Variants in TEX15 observed in about 807,000 individuals in gnomAD.
TEX15 encodes testis-expressed protein 15.
TEX15 carries 171 observed loss-of-function variants against 237.3 expected under a neutral mutation model. That is an observed-to-expected ratio of 0.72 (90% CI 0.64 to 0.82). The LOEUF (loss-of-function observed/expected upper bound fraction) is 0.82. Ranked by LOEUF, TEX15 falls within the 40% of genes least tolerant of loss-of-function variation. The probability of loss-of-function intolerance (pLI) is 0.00; values close to 1 mark genes in which losing one functional copy is unlikely to be tolerated. For missense variants in TEX15, 3,750 were observed against 3,646.5 expected (o/e 1.03, Z -0.73); for synonymous variants, 1,338 against 1,269.8 (o/e 1.05, Z -1.14).
chr8:30,882,411 C>T (rs562098125), intron 3 of TEX15, among the ~76,000 whole-genome samples: 1 of 152,198 alleles, frequency 6.6e-6, no homozygotes, highest in Non-Finnish European at 1.5e-5. Flanking sequence ...CTCAGCCTCC[C>T]AAGTAGCTGG....
chr8:30,897,772 T>C (rs1288713187), intron 2 of TEX15, among the ~76,000 whole-genome samples: 1 of 152,190 alleles, frequency 6.6e-6, no homozygotes, highest in Non-Finnish European at 1.5e-5. Context: ...GCAATCCTTC[T>C]GCCTCAGCCT....
rs996079485 is a variant in TEX15, at chr8:30,832,566, A to G, written c.*720T>C. 6.6e-6 allele frequency: 1 copy of G among 152,222 alleles called. No individual in the cohort carries two copies. The highest frequency in any genetic ancestry group is 1.5e-5 in the Non-Finnish European group (1 of 68,022). The allele number at this position is 152,222 out of a possible 1,614,324, so 9.4% of individuals were successfully genotyped here. A position where few individuals can be genotyped will look rare whatever the true frequency, so the allele number is the denominator to read the frequency against. ...ATGTTTGTGCCACATTGTTTAAATT[A>G]CTGTAATAAAGACTAACTGCATAAG... On this transcript the variant is annotated 3_prime_UTR_variant, in exon 11 of 11. Transcript: ENST00000643185.
chr8:30,889,940 T>TATATACATATAC (rs1554502302), intron 2 of TEX15, among the ~76,000 whole-genome samples: 2 of 129,922 alleles, frequency 1.5e-5, no homozygotes, highest in African/African-American at 7.2e-5. Context: ...TATACATATA[T>TATATACATATAC]ATATATATAT....
intron 8 of TEX15, among the ~76,000 whole-genome samples, chr8:30,840,282 G>A (rs925637412): frequency 6.6e-6 from 1 of 151,392 alleles, no homozygotes; most frequent in South Asian, 2.1e-4. Context: ...TGCAACCTCC[G>A]CCTACTGGGT....
Position 30,837,944 on chromosome 8 carries a change from T to C in TEX15, c.8340A>G (p.Ser2780=), listed in dbSNP as rs771746881. The change falls in exon 10 of 11, where the codon TCA becomes TCG. Residue 2780 remains serine (S), a synonymous_variant. Coordinates refer to ENST00000643185, the MANE Select transcript of TEX15 (RefSeq NM_001350162.2). ...CTTTTGGGTTCTCTAAGGGTAAAAGTGAGCCAGGTAGTGATCTTTGCATTT... is the reference window on the plus strand; with the variant it reads ...CTTTTGGGTTCTCTAAGGGTAAAAGCGAGCCAGGTAGTGATCTTTGCATTT... The part of the protein sequence containing the change: ...KVEMQRSLPG[S]LLPLENPKDT... The C allele has an allele frequency of 3.1e-6, 5 of 1,614,206 alleles. No individual in the cohort carries two copies. Among genetic ancestry groups the C allele is most frequent in the Non-Finnish European group, 4.2e-6 (5 of 1,180,024 alleles).
intron 2 of TEX15, among the ~76,000 whole-genome samples, chr8:30,892,843 C>T (rs1808823185): frequency 6.6e-6 from 1 of 152,018 alleles, no homozygotes; most frequent in Non-Finnish European, 1.5e-5. Flanking sequence ...ACCATCCTGG[C>T]TAACACGGTA....
At chr8:30,865,926 T>C (rs922413703) in intron 5 of TEX15, among the ~76,000 whole-genome samples, 1 of 152,160 alleles carries the variant, frequency 6.6e-6, no homozygotes, top group African/African-American at 2.4e-5. Flanking sequence ...AATGTAGTTC[T>C]AGAAGTACTA....
In TEX15 at chr8:30,846,182, T is replaced by G. The variant is rs750833138; in HGVS notation, c.3985A>C (p.Arg1329=). ...RRHKIYGRKR[R]LTSQDSSECF... ...TCAGATGAGTCTTGACTGGTTAGCC[T>G]CCTCTTTCTCCCATAAATTTTATGT... Residue 1329 remains arginine (R), a synonymous_variant, in exon 8 of 11, where the codon AGG becomes CGG. Transcript: ENST00000643185. 1 of 1,613,078 alleles carries G rather than the reference T, an allele frequency of 6.2e-7. No homozygotes were observed. The highest frequency in any genetic ancestry group is 8.5e-7 in the Non-Finnish European group (1 of 1,179,598).
intron 5 of TEX15, among the ~76,000 whole-genome samples, 198 bp from the exon 6 acceptor site, chr8:30,860,255 G>A (rs1808017254): frequency 6.6e-6 from 1 of 151,908 alleles, no homozygotes; most frequent in Non-Finnish European, 1.5e-5. Context: ...TTGAGTAGCT[G>A]GGACTACAGG....
chr8:30,907,445 A>T (rs56134772), intron 1 of TEX15, among the ~76,000 whole-genome samples: 16,998 of 147,756 alleles, frequency 0.12, 1,652 homozygotes, highest in African/African-American at 0.26. Flanking sequence ...TATATATACA[A>T]TGTATATATA....
At chr8:30,891,811 T>G (rs1399378958) in intron 2 of TEX15, among the ~76,000 whole-genome samples, 1 of 152,222 alleles carries the variant, frequency 6.6e-6, no homozygotes, top group Non-Finnish European at 1.5e-5. Flanking sequence ...TATTTATTGG[T>G]CATGTTTCCA....
chr8:30,844,452 GGTA>G lies in TEX15; in HGVS notation c.5712_5714del (p.Thr1906del). On this transcript the variant is annotated inframe_deletion, in exon 8 of 11. Coordinates refer to ENST00000643185, the MANE Select transcript of TEX15 (RefSeq NM_001350162.2). ...TGTTCTTCAAAGGGACTGACTCAGT[GGTA>G]GTATTTTTAGTGCTCAGATGGGAAT... 6.2e-7 allele frequency: 1 copy of G among 1,613,132 alleles called. No homozygotes were observed. The highest frequency in any genetic ancestry group is 8.5e-7 in the Non-Finnish European group (1 of 1,179,554).
rs1315419870 is a variant in TEX15 at position 30,847,137 on chromosome 8, A to G, written c.3030T>C (p.Thr1010=). ...CAAAATCTGGACTTTCAGAAGAACA[A>G]GTTTCTTTAAACTGGTATATCTGGT... ...DDHQIYQFKE[T]CSSESPDFGL... The change falls in exon 8 of 11, where the codon ACT becomes ACC. Residue 1010 remains threonine (T), a synonymous_variant. Transcript: ENST00000643185. The G allele has an allele frequency of 8.1e-6, 13 of 1,613,852 alleles. No homozygotes were observed. The highest frequency in any genetic ancestry group is 1.1e-5 in the Non-Finnish European group (13 of 1,179,876).
intron 5 of TEX15, among the ~76,000 whole-genome samples, chr8:30,862,495 C>T (rs758710009): frequency 2.6e-5 from 4 of 152,158 alleles, no homozygotes; most frequent in Non-Finnish European, 4.4e-5. Flanking sequence ...AATACACATA[C>T]ACAAAAAACT....
Position 30,832,683 on chromosome 8 carries a change from G to T in TEX15, c.*603C>A, listed in dbSNP as rs1807208164. On this transcript the variant is annotated 3_prime_UTR_variant, in exon 11 of 11. Coordinates refer to ENST00000643185, the MANE Select transcript of TEX15 (RefSeq NM_001350162.2). The stretch of plus-strand genomic sequence containing the variant: ...AAAACAAAATAATCTTCTGGAAATG[G>T]CTCTTGTAGAAAAAGGCATTGAAAG... The T allele has an allele frequency of 6.6e-6, 1 of 152,070 alleles. No homozygotes were observed. Among genetic ancestry groups the T allele is most frequent in the South Asian group, 2.1e-4 (1 of 4,832 alleles). 9.4% of individuals were successfully genotyped at this position (152,070 alleles called of 1,614,324 possible). A position where few individuals can be genotyped will look rare whatever the true frequency, so the allele number is the denominator to read the frequency against.
At chr8:30,866,452 A>G (rs1808168339) in intron 5 of TEX15, among the ~76,000 whole-genome samples, 1 of 152,208 alleles carries the variant, frequency 6.6e-6, no homozygotes, top group South Asian at 2.1e-4. Flanking sequence ...AAAACTAGAA[A>G]GTACAGAAAA....
At chr8:30,875,840 C>A (rs1429509546) in intron 3 of TEX15, among the ~76,000 whole-genome samples, 1 of 151,166 alleles carries the variant, frequency 6.6e-6, no homozygotes, top group African/African-American at 2.4e-5. Context: ...GAGACAGGCT[C>A]TCACTCAGTA....
At chr8:30,835,116 A>G (rs1807262204) in intron 10 of TEX15, among the ~76,000 whole-genome samples, 1 of 151,614 alleles carries the variant, frequency 6.6e-6, no homozygotes, top group Admixed American at 6.6e-5. Context: ...TAATATATAT[A>G]TATTTTTTGG....
chr8:30,879,539 C>T (rs1195415801), intron 3 of TEX15, among the ~76,000 whole-genome samples: 1 of 152,164 alleles, frequency 6.6e-6, no homozygotes, highest in East Asian at 1.9e-4. Flanking sequence ...TTTTCCTCTA[C>T]TGAATGCACC....
Sources: allele counts gnomAD v4.1 joint callset (sites outside exome capture counted in the v4.1 genomes callset), GRCh38; gene constraint gnomAD v4.1.1; transcripts MANE v1.5; gene names NCBI Gene and HGNC (gene_info 2026-07-23, HGNC 2026-07-21).